ZFYVE28: variants seen among roughly 807,000 people sequenced by gnomAD.
The protein encoded by ZFYVE28 is lateral signaling target protein 2 homolog.
A neutral mutation model predicts 82.1 loss-of-function variants in ZFYVE28; 40 were observed. The ratio of observed to expected loss-of-function variants is 0.49; its 90% CI spans 0.38 to 0.63. ZFYVE28 has a LOEUF of 0.63. ZFYVE28 is among the 30% of genes least tolerant of loss of function. The pLI is 0.00. For missense variants in ZFYVE28, 1,321 were observed against 1,242.1 expected (o/e 1.06, Z -0.96); for synonymous variants, 612 against 546.1 (o/e 1.12, Z -1.68).
chr4:2,382,330 G>T (rs985544582), intron 1 of ZFYVE28, among the ~76,000 whole-genome samples: 2 of 152,212 alleles, frequency 1.3e-5, no homozygotes, highest in African/African-American at 2.4e-5. Context: ...TGCACCATTT[G>T]CCTGGAAAAG....
chr4:2,331,658 G>A (rs1237744863), intron 6 of ZFYVE28, among the ~76,000 whole-genome samples: 1 of 152,202 alleles, frequency 6.6e-6, no homozygotes, highest in African/African-American at 2.4e-5. Context: ...TCTTAGGGAG[G>A]GGACAGGCTG....
chr4:2,315,699 G>C (rs955717921), intron 7 of ZFYVE28, among the ~76,000 whole-genome samples: 1 of 152,164 alleles, frequency 6.6e-6, no homozygotes, highest in Admixed American at 6.5e-5. Flanking sequence ...TTCTCTTGCT[G>C]CTTGTCAAAT....
At chr4:2,350,338 C>G (rs531062758) in intron 2 of ZFYVE28, among the ~76,000 whole-genome samples, 2 of 152,134 alleles carry the variant, frequency 1.3e-5, no homozygotes, top group South Asian at 4.2e-4. Context: ...GTGGCGGGCG[C>G]CTGTAGTCCC....
At chr4:2,373,523 A>G (rs13139003) in intron 1 of ZFYVE28, among the ~76,000 whole-genome samples, 101,569 of 152,032 alleles carry the variant, frequency 0.67, 34,258 homozygotes, top group East Asian at 0.8. Flanking sequence ...AATTTTAAGT[A>G]TGGAAGTTCT....
At chr4:2,400,256 C>T (rs182000015) in intron 1 of ZFYVE28, among the ~76,000 whole-genome samples, 4 of 152,336 alleles carry the variant, frequency 2.6e-5, no homozygotes, top group Admixed American at 6.5e-5. Context: ...TCTGGTCCGT[C>T]GCAGAATGTG....
intron 1 of ZFYVE28, among the ~76,000 whole-genome samples, chr4:2,369,109 ATCT>A (rs1221123257): frequency 6.6e-5 from 10 of 152,278 alleles, no homozygotes; most frequent in Middle Eastern, 3.4e-3. Context: ...CCACCTGCAC[ATCT>A]TCTCTGGAGA....
chr4:2,405,565 TGA>T (rs917301010), intron 1 of ZFYVE28, among the ~76,000 whole-genome samples: 17 of 152,232 alleles, frequency 1.1e-4, no homozygotes, highest in African/African-American at 4.1e-4. Context: ...GCCCAGGCTC[TGA>T]GATCTGCAGG....
At chr4:2,291,379 T>A (rs112936871) in intron 8 of ZFYVE28, among the ~76,000 whole-genome samples, 11,977 of 152,182 alleles carry the variant, frequency 0.079, 665 homozygotes, top group African/African-American at 0.15. Context: ...GGGGAGCAAG[T>A]GGCTGGCACC....
rs373132652 is a variant in ZFYVE28, at chr4:2,318,723, G to C, written c.803+1447C>G. Among the ~76,000 whole-genome samples the C allele has an allele frequency of 6.8e-3, 1,042 of 152,282 alleles. 11 individuals are homozygous for C. Among genetic ancestry groups the C allele is most frequent in the African/African-American group, 0.024 (981 of 41,542 alleles). ...GGTTCCCACATCAGGGCCCCTGGGT[G>C]GGCAGCAGAGGCACGTTCCACCCAC... On this transcript the variant is annotated intron_variant, in intron 7 of 12. Transcript: ENST00000290974.
chr4:2,379,087 C>T (rs35270793), intron 1 of ZFYVE28, among the ~76,000 whole-genome samples: 49,788 of 151,994 alleles, frequency 0.33, 8,824 homozygotes, highest in East Asian at 0.46. Context: ...AGGGGGTAGA[C>T]GGGGGCTGGT....
chr4:2,394,144 C>T lies in ZFYVE28; in HGVS notation c.39+24141G>A, dbSNP rs751076661. On this transcript the variant is annotated intron_variant, in intron 1 of 12. Transcript: ENST00000290974. This position sits in a 1 kb window ranked among gnomAD's most constrained non-coding sequence, Gnocchi z 4.0. ...CCTCTGACTCTCCTGCCCCCTTCTC[C>T]ACTACTGAGGACTCCTGTGGTTCCA... 6.6e-6 allele frequency among the ~76,000 whole-genome samples: 1 copy of T among 152,218 alleles called. No individual in the cohort carries two copies. Among genetic ancestry groups the T allele is most frequent in the Non-Finnish European group, 1.5e-5 (1 of 68,034 alleles).
At chr4:2,274,355 C>A in intron 8 of ZFYVE28, 139 bp from the exon 9 acceptor site, 3 of 1,118,394 alleles carry the variant, frequency 2.7e-6, no homozygotes, top group Non-Finnish European at 3.7e-6. Context: ...CCCAGATACA[C>A]AACTTTCCTG....
chr4:2,270,525 GT>G lies in ZFYVE28; in HGVS notation c.*199del, dbSNP rs995509426. On this transcript the variant is annotated 3_prime_UTR_variant, in exon 13 of 13. Coordinates refer to ENST00000290974, the MANE Select transcript of ZFYVE28 (RefSeq NM_020972.3). ...CCCTGCTGGGCAAAGCTGACCTCTT[GT>G]TGGCCCCTGCAGCCGGCCCGGGGTC... 1.3e-4 allele frequency: 95 copies of G among 742,862 alleles called. No homozygotes were observed. Among genetic ancestry groups the G allele is most frequent in the Non-Finnish European group, 1.9e-4 (87 of 468,162 alleles). 46.0% of individuals were successfully genotyped at this position (742,862 alleles called of 1,614,324 possible).
At chr4:2,352,888 G>A (rs76333116) in intron 2 of ZFYVE28, among the ~76,000 whole-genome samples, 7 of 152,278 alleles carry the variant, frequency 4.6e-5, no homozygotes, top group South Asian at 2.1e-4. Context: ...CTTCCTCATC[G>A]GTGGGGCCAC....
At chr4:2,399,158 G>GGGT (rs1490014075) in intron 1 of ZFYVE28, among the ~76,000 whole-genome samples, 9 of 76,818 alleles carry the variant, frequency 1.2e-4, no homozygotes, top group South Asian at 3.7e-4. Context: ...GCACAAGGTG[G>GGGT]GGTGAGATCG....
At chr4:2,309,082 G>T (rs758435903) in intron 7 of ZFYVE28, among the ~76,000 whole-genome samples, 1 of 152,182 alleles carries the variant, frequency 6.6e-6, no homozygotes, top group Non-Finnish European at 1.5e-5. Flanking sequence ...TTCCCAATGT[G>T]GTGGTGTTTA....
intron 3 of ZFYVE28, among the ~76,000 whole-genome samples, chr4:2,340,428 C>T (rs1005055000): frequency 3.9e-5 from 6 of 152,196 alleles, no homozygotes; most frequent in East Asian, 3.9e-4. Context: ...GTCTAGAGGC[C>T]GGGGCCTCGC....
intron 10 of ZFYVE28, among the ~76,000 whole-genome samples, chr4:2,272,136 T>G (rs1735971201): frequency 6.6e-6 from 1 of 152,216 alleles, no homozygotes; most frequent in South Asian, 2.1e-4. Flanking sequence ...TGAATCATGA[T>G]TTCCAGAAGG....
At chr4:2,277,325 A>G (rs1297045060) in intron 8 of ZFYVE28, among the ~76,000 whole-genome samples, 1 of 152,150 alleles carries the variant, frequency 6.6e-6, no homozygotes, top group Non-Finnish European at 1.5e-5. Context: ...AATAAAATAC[A>G]AAAAATTAGC....
Sources: gnomAD v4.1 joint callset for allele counts (sites outside exome capture counted in the v4.1 genomes callset) on GRCh38, gnomAD v4.1.1 for gene constraint, Gnocchi (gnomAD v3.1) non-coding constraint, MANE v1.5 for transcripts, NCBI Gene and HGNC (gene_info 2026-07-23, HGNC 2026-07-21) for gene names.